The following PTPRD variants were observed in gnomAD, a reference collection of about 807,000 sequenced individuals.
PTPRD encodes the protein protein tyrosine phosphatase receptor type D, also known as receptor-type tyrosine-protein phosphatase delta.
PTPRD carries 34 observed loss-of-function variants against 214.5 expected under a neutral mutation model. The observed-to-expected ratio is 0.16, with a 90% CI of 0.12 to 0.21. The LOEUF is 0.21. PTPRD is among the 10% of genes least tolerant of loss of function. The probability of loss-of-function intolerance (pLI) is 1.00; values close to 1 mark genes in which losing one functional copy is unlikely to be tolerated. For synonymous variants in PTPRD, 1,128 were observed against 845.7 expected (o/e 1.33, Z -5.79); for missense variants, 2,545 against 2,398.7 (o/e 1.06, Z -1.27).
chr9:10,059,763 A>G (rs945404722), intron 3 of PTPRD, among the ~76,000 whole-genome samples: 1 of 148,086 alleles, frequency 6.8e-6, no homozygotes, highest in Non-Finnish European at 1.5e-5. Context: ...GTTGAGAACA[A>G]TAATAAAATA....
chr9:8,727,350 G>C (rs2098596246), intron 12 of PTPRD, among the ~76,000 whole-genome samples: 1 of 152,230 alleles, frequency 6.6e-6, no homozygotes, highest in African/African-American at 2.4e-5. Flanking sequence ...AAAAGCCACA[G>C]AAACTCCACA....
chr9:10,391,958 T>A (rs1185408290), intron 2 of PTPRD, among the ~76,000 whole-genome samples: 2 of 151,922 alleles, frequency 1.3e-5, no homozygotes, highest in East Asian at 3.9e-4. Flanking sequence ...CTCCTTCAGG[T>A]TTCTGCTCAA....
At chr9:10,061,663 G>A (rs1026731733) in intron 3 of PTPRD, among the ~76,000 whole-genome samples, 6 of 152,032 alleles carry the variant, frequency 3.9e-5, no homozygotes, top group African/African-American at 1.4e-4. Flanking sequence ...AAATTTAAGA[G>A]GCTGATTTAT....
At chr9:9,963,057 T>A (rs1187570791) in intron 4 of PTPRD, among the ~76,000 whole-genome samples, 2 of 152,038 alleles carry the variant, frequency 1.3e-5, no homozygotes, top group Non-Finnish European at 2.9e-5. Context: ...AGCCTAGGGA[T>A]GTATAAGAGA....
At chr9:8,752,039 G>A (rs2093587030) in intron 11 of PTPRD, among the ~76,000 whole-genome samples, 1 of 152,128 alleles carries the variant, frequency 6.6e-6, no homozygotes, top group African/African-American at 2.4e-5. Flanking sequence ...GCTCTGCATG[G>A]TCCCTTCCAC....
intron 3 of PTPRD, among the ~76,000 whole-genome samples, chr9:10,259,001 TTTC>T (rs955497301): frequency 1.3e-5 from 2 of 152,072 alleles, no homozygotes; most frequent in African/African-American, 2.4e-5. Flanking sequence ...TTGTTGTTTG[TTTC>T]TTTTGTTTTG....
At chr9:9,211,058 A>T (rs534225018) in intron 9 of PTPRD, among the ~76,000 whole-genome samples, 2 of 151,916 alleles carry the variant, frequency 1.3e-5, no homozygotes, top group Non-Finnish European at 2.9e-5. Context: ...CCTTGCAAAT[A>T]TCAAGGCAAT....
intron 8 of PTPRD, among the ~76,000 whole-genome samples, chr9:9,502,546 C>T (rs1590036793): frequency 6.6e-6 from 1 of 151,978 alleles, no homozygotes; most frequent in Admixed American, 6.6e-5. Context: ...TATGACCTTA[C>T]ACATTCACTG....
intron 31 of PTPRD, among the ~76,000 whole-genome samples, chr9:8,466,522 T>C (rs1003946526): frequency 6.6e-6 from 1 of 151,846 alleles, no homozygotes; most frequent in African/African-American, 2.4e-5. Flanking sequence ...TACGAGAAAA[T>C]CATACTAACA....
chr9:9,455,639 C>T (rs1399720723), intron 8 of PTPRD, among the ~76,000 whole-genome samples: 1 of 151,466 alleles, frequency 6.6e-6, no homozygotes, highest in Non-Finnish European at 1.5e-5. Context: ...ATCCAAGTAA[C>T]TGAATCAGAA....
At chr9:9,297,072 G>A (rs1481684465) in intron 9 of PTPRD, among the ~76,000 whole-genome samples, 2 of 151,638 alleles carry the variant, frequency 1.3e-5, no homozygotes, top group Admixed American at 6.6e-5. Flanking sequence ...TGCACTGCAT[G>A]TTCATAGCTA....
chr9:9,570,066 A>T (rs1321853770), intron 8 of PTPRD, among the ~76,000 whole-genome samples: 1 of 151,570 alleles, frequency 6.6e-6, no homozygotes, highest in African/African-American at 2.4e-5. Context: ...ACTGCACTTT[A>T]ACAATTCTGT....
intron 7 of PTPRD, among the ~76,000 whole-genome samples, chr9:9,708,951 C>G (rs1021678772): frequency 6.6e-6 from 1 of 151,940 alleles, no homozygotes; most frequent in Non-Finnish European, 1.5e-5. Flanking sequence ...CTTAGAGACT[C>G]TCCAGATTAC....
intron 2 of PTPRD, among the ~76,000 whole-genome samples, chr9:10,583,629 C>T (rs1405124687): frequency 6.6e-6 from 1 of 151,966 alleles, no homozygotes; most frequent in Non-Finnish European, 1.5e-5. Flanking sequence ...CAGGCACCCG[C>T]CACCACGCCC....
chr9:8,946,586 T>A (rs962673560), intron 11 of PTPRD, among the ~76,000 whole-genome samples: 1 of 152,178 alleles, frequency 6.6e-6, no homozygotes, highest in African/African-American at 2.4e-5. Context: ...ACTCTTGCAT[T>A]CTTCTATCCC....
chr9:9,852,140 T>C (rs1054172997), intron 5 of PTPRD, among the ~76,000 whole-genome samples: 4 of 151,964 alleles, frequency 2.6e-5, no homozygotes, highest in Non-Finnish European at 5.9e-5. Flanking sequence ...AGAAAAATTA[T>C]ATGGCCAACT....
intron 4 of PTPRD, among the ~76,000 whole-genome samples, chr9:9,965,799 A>G (rs991424083): frequency 6.6e-5 from 10 of 152,180 alleles, no homozygotes; most frequent in African/African-American, 2.4e-4. Context: ...CATTGTCAAC[A>G]TTAAAACTTA....
At chr9:10,586,182 CCA>C (rs147158405) in intron 2 of PTPRD, among the ~76,000 whole-genome samples, 2,305 of 152,102 alleles carry the variant, frequency 0.015, 55 homozygotes, top group African/African-American at 0.052. Flanking sequence ...AAACGTCTCT[CCA>C]CAATCTGCAA....
At chr9:9,929,019 A>T (rs1038096272) in intron 5 of PTPRD, among the ~76,000 whole-genome samples, 1 of 152,166 alleles carries the variant, frequency 6.6e-6, no homozygotes, top group East Asian at 1.9e-4. Flanking sequence ...GTTCGAAGAG[A>T]CTTATATGCT....
Sources: gnomAD v4.1 joint callset for allele counts (sites outside exome capture counted in the v4.1 genomes callset) on GRCh38, gnomAD v4.1.1 for gene constraint, MANE v1.5 for transcripts, NCBI Gene and HGNC (gene_info 2026-07-23, HGNC 2026-07-21) for gene names.